UACA: variants seen among roughly 807,000 people sequenced by gnomAD.
UACA encodes the protein nuclear membrane binding protein.
In UACA, 112 loss-of-function variants were observed where a neutral mutation model predicts 160.5. That is an observed-to-expected ratio of 0.70 (90% CI 0.60 to 0.82). The LOEUF is 0.82. Among genes scored for constraint, UACA ranks in the 40% least tolerant of loss-of-function variants. The pLI, the probability that UACA is intolerant of heterozygous loss-of-function variation, is 0.00. For synonymous variants in UACA, 557 were observed against 568.4 expected (o/e 0.98, Z 0.29); for missense variants, 1,574 against 1,614.6 (o/e 0.97, Z 0.43).
chr15:70,696,436 G>T (rs540197018), intron 2 of UACA, among the ~76,000 whole-genome samples: 3 of 152,280 alleles, frequency 2.0e-5, no homozygotes, highest in Middle Eastern at 3.4e-3. Flanking sequence ...ATAACTGCAT[G>T]CTTGGAGACA....
chr15:70,710,470 T>C (rs1898651416), intron 1 of UACA, among the ~76,000 whole-genome samples: 1 of 152,096 alleles, frequency 6.6e-6, no homozygotes, highest in Non-Finnish European at 1.5e-5. Flanking sequence ...TCTCCTACAA[T>C]TTAACTCATT....
Position 70,703,202 on chromosome 15 carries a change from A to G in UACA, c.79-3542T>C, listed in dbSNP as rs138664735. On this transcript the variant is annotated intron_variant, in intron 1 of 18. Coordinates refer to ENST00000322954, the MANE Select transcript of UACA (RefSeq NM_018003.4). ...TGGCTGTTGTTGTTGTTTTTTAACC[A>G]TGTTCTCATTACCACAATAGCATGA... 1.5e-3 allele frequency: 1,994 copies of G among 1,289,106 alleles called. 3 individuals are homozygous for G. Among genetic ancestry groups the G allele is most frequent in the Admixed American group, 2.6e-3 (115 of 43,554 alleles). The allele number at this position is 1,289,106 out of a possible 1,614,324, so 79.9% of individuals were successfully genotyped here.
At chr15:70,704,289 T>C (rs778882898) in intron 1 of UACA, among the ~76,000 whole-genome samples, 13 of 152,216 alleles carry the variant, frequency 8.5e-5, no homozygotes, top group African/African-American at 1.2e-4. Flanking sequence ...AGCAACATTG[T>C]TCCCCAGTAA....
chr15:70,721,706 C>T (rs1898999766), intron 1 of UACA, among the ~76,000 whole-genome samples: 3 of 151,738 alleles, frequency 2.0e-5, no homozygotes. Context: ...CAACTATAAT[C>T]AACACAGGCT....
At chr15:70,659,406 T>TTG (rs1896613889) in intron 18 of UACA, among the ~76,000 whole-genome samples, 1 of 122,940 alleles carries the variant, frequency 8.1e-6, no homozygotes, top group South Asian at 2.7e-4. Flanking sequence ...TTTTTTTTTT[T>TTG]TTTTTTTTTT....
At chr15:70,745,443 A>G (rs1304162724) in intron 1 of UACA, among the ~76,000 whole-genome samples, 1 of 78,608 alleles carries the variant, frequency 1.3e-5, no homozygotes, top group African/African-American at 3.1e-5. Flanking sequence ...CAAAAAAGAA[A>G]AAGAAAAAAA....
rs1309748995 is a variant in UACA at position 70,667,680 on chromosome 15, CT to C, written c.3003del (p.Glu1002ArgfsTer4). 2.5e-6 allele frequency: 4 copies of C among 1,613,530 alleles called. No individual in the cohort carries two copies. Among genetic ancestry groups the C allele is most frequent in the Non-Finnish European group, 3.4e-6 (4 of 1,179,996 alleles). ...GATAACTGGTCTTTTAGTTCTTTCT[CT>C]GTTGCTTTAAATTTTCTCTCGCACT... The part of the protein sequence containing the change: ...FEECERKFKA[T>X]EKELKDQLSE... On this transcript the variant is annotated frameshift_variant, in exon 16 of 19. Coordinates refer to ENST00000322954, the MANE Select transcript of UACA (RefSeq NM_018003.4). LOFTEE classifies it high-confidence loss of function.
chr15:70,673,199 G>A (rs145557535), intron 13 of UACA, among the ~76,000 whole-genome samples: 2,316 of 152,086 alleles, frequency 0.015, 35 homozygotes, highest in Non-Finnish European at 0.023. Context: ...ACCTGAGCCC[G>A]GGGAGGTCAA....
rs551986241 is a variant in UACA at position 70,669,327 on chromosome 15, A to C, written c.1357T>G (p.Cys453Gly). The stretch of plus-strand genomic sequence containing the variant: ...AGTCGGTCTTGTTTTGCTGACTCAC[A>C]GAAAGTTCGCATTGCTTCTAACTCT... ...KKELEAMRTF[C>G]ESAKQDRLKL... is the part of the protein sequence containing the mutation. The change falls in exon 16 of 19, where the codon TGT (cysteine) becomes GGT (glycine). Residue 453 changes from cysteine to glycine, a missense_variant. Transcript: ENST00000322954. The C allele has an allele frequency of 1.7e-5, 28 of 1,614,112 alleles. No individual in the cohort carries two copies. The African/African-American group carries it at 2.7e-4, about 15-fold the overall frequency.
In UACA at chr15:70,677,088, A is replaced by G. The variant is rs1199610713; in HGVS notation, c.1032+20T>C. The G allele has an allele frequency of 6.3e-7, 1 of 1,591,658 alleles. No individual in the cohort carries two copies. Among genetic ancestry groups the G allele is most frequent in the East Asian group, 2.3e-5 (1 of 44,386 alleles). ...ATTCCTAAAACAATTTTAATGGTTT[A>G]AAATAAAATGTCACCCTACCTCGCT... On this transcript the variant is annotated intron_variant, in intron 12 of 18. Transcript: ENST00000322954.
intron 1 of UACA, among the ~76,000 whole-genome samples, chr15:70,713,247 A>C (rs1898737119): frequency 6.6e-6 from 1 of 152,174 alleles, no homozygotes; most frequent in East Asian, 1.9e-4. Context: ...GCTACTCGGG[A>C]GGCTGAGGCA....
intron 17 of UACA, chr15:70,661,520 TTAAAAAA>T (rs1371404719): frequency 6.6e-6 from 1 of 152,092 alleles, no homozygotes; most frequent in Non-Finnish European, 1.5e-5. Context: ...GCCTACAGTG[TTAAAAAA>T]TAAACACTAA....
intron 9 of UACA, among the ~76,000 whole-genome samples, chr15:70,680,684 C>T (rs893213348): frequency 5.9e-5 from 9 of 152,186 alleles, no homozygotes; most frequent in African/African-American, 2.2e-4. Flanking sequence ...CATCCTCACC[C>T]ACTGCCTCCA....
chr15:70,756,413 G>A (rs1373214144), intron 1 of UACA, among the ~76,000 whole-genome samples: 11 of 150,842 alleles, frequency 7.3e-5, no homozygotes, highest in Non-Finnish European at 3.0e-5. Context: ...TGCCCACCTC[G>A]GCCTCCCAAA....
Position 70,669,336 on chromosome 15 carries a change from G to C in UACA, c.1348C>G (p.Arg450Gly). The change falls in exon 16 of 19, where the codon CGA becomes GGA. Residue 450 changes from arginine to glycine, a missense_variant. Coordinates refer to ENST00000322954, the MANE Select transcript of UACA (RefSeq NM_018003.4). Reference sequence around the variant, plus strand: ...TGTTTTGCTGACTCACAGAAAGTTCGCATTGCTTCTAACTCTTTCTTTAAA... The same window carrying C: ...TGTTTTGCTGACTCACAGAAAGTTCCCATTGCTTCTAACTCTTTCTTTAAA... ...EILKKELEAM[R>G]TFCESAKQDR... 1.2e-6 allele frequency: 2 copies of C among 1,613,950 alleles called. No homozygotes were observed. The highest frequency in any genetic ancestry group is 1.7e-6 in the Non-Finnish European group (2 of 1,179,970).
chr15:70,766,839 C>T (rs1215866302), upstream of UACA, among the ~76,000 whole-genome samples: 1 of 152,186 alleles, frequency 6.6e-6, no homozygotes, highest in East Asian at 1.9e-4. Flanking sequence ...CCCAGGGGAC[C>T]TGCCAGAACA....
At chr15:70,763,080 T>C (rs1018688578) in intron 1 of UACA, among the ~76,000 whole-genome samples, 3 of 152,176 alleles carry the variant, frequency 2.0e-5, no homozygotes, top group African/African-American at 7.2e-5. Flanking sequence ...CTGAGGTTTC[T>C]TCCAGAAGTT....
Position 70,695,051 on chromosome 15 carries a change from T to C in UACA, c.267A>G (p.Ile89Met). 8.7e-6 allele frequency: 14 copies of C among 1,610,954 alleles called. No individual in the cohort carries two copies. The highest frequency in any genetic ancestry group is 1.2e-5 in the Non-Finnish European group (14 of 1,178,296). Residue 89 changes from isoleucine to methionine, a missense_variant, in exon 3 of 19, where the codon ATA (isoleucine) becomes ATG (methionine). Coordinates refer to ENST00000322954, the MANE Select transcript of UACA (RefSeq NM_018003.4). ...CACTGGTTGTAATATCAACTCCATGTATAAGGATGGCATTCAAACACTCAA... is the reference window on the plus strand; with the variant it reads ...CACTGGTTGTAATATCAACTCCATGCATAAGGATGGCATTCAAACACTCAA... ...GNLECLNAIL[I>M]HGVDITTSDT...
Position 70,667,660 on chromosome 15 carries a change from C to T in UACA, c.3024G>A (p.Gln1008=). The change falls in exon 16 of 19, where the codon CAG becomes CAA. Residue 1008 remains glutamine, a synonymous_variant. Coordinates refer to ENST00000322954, the MANE Select transcript of UACA (RefSeq NM_018003.4). The part of the protein sequence containing the change: ...FKATEKELKD[Q]LSEQTQKYSV... ...TATACTTTTGTGTCTGCTCTGATAA[C>T]TGGTCTTTTAGTTCTTTCTCTGTTG... 6.2e-7 allele frequency: 1 copy of T among 1,613,298 alleles called. No homozygotes were observed. Among genetic ancestry groups the T allele is most frequent in the Non-Finnish European group, 8.5e-7 (1 of 1,179,978 alleles).
Sources: allele counts gnomAD v4.1 joint callset (sites outside exome capture counted in the v4.1 genomes callset), GRCh38; gene constraint gnomAD v4.1.1; transcripts MANE v1.5; gene names NCBI Gene and HGNC (gene_info 2026-07-23, HGNC 2026-07-21).